APBB1IP: variants seen among roughly 807,000 people sequenced by gnomAD.
APBB1IP encodes amyloid beta precursor protein binding family B member 1 interacting protein.
Under a neutral mutation model 64.9 loss-of-function variants are expected in APBB1IP, and 27 were observed. That is an observed-to-expected ratio of 0.42 (90% CI 0.31 to 0.57). The LOEUF is 0.57. Among genes scored for constraint, APBB1IP ranks in the 20% least tolerant of loss-of-function variants. APBB1IP has a pLI of 0.20. For synonymous variants in APBB1IP, 392 were observed against 331.0 expected, an observed-to-expected ratio of 1.18 and a Z score of -2.00; for missense variants, 812 against 845.5, an observed-to-expected ratio of 0.96 and a Z score of 0.49.
chr10:26,523,463 C>A (rs553527821), intron 8 of APBB1IP, among the ~76,000 whole-genome samples: 110 of 152,292 alleles, frequency 7.2e-4, no homozygotes, highest in Admixed American at 1.9e-3. Flanking sequence ...GAGCCTTACC[C>A]TGGGGCAGTA....
In APBB1IP at chr10:26,566,998, C is replaced by A. The variant is rs756893811; in HGVS notation, c.1511C>A (p.Ala504Glu). ...GCCCTCGGGAACCACCACGACCCGG[C>A]AGTGCCCCGGGCCCCGCACGCCCCC... ...KPALGNHHDP[A>E]VPRAPHAPKS... Residue 504 changes from alanine (A) to glutamate (E), a missense_variant, in exon 15 of 15, where the codon GCA becomes GAA. By Grantham distance (107) the Ala-to-Glu change is moderately radical. Around this residue, in one of 3 missense-constraint regions of APBB1IP, gnomAD observed 381 missense variants for 352.1 expected, o/e 1.08. Transcript: ENST00000376236. The A allele has an allele frequency of 1.3e-6, 2 of 1,580,244 alleles. No individual in the cohort carries two copies. Among genetic ancestry groups the A allele is most frequent in the Non-Finnish European group, 8.5e-7 (1 of 1,172,054 alleles).
chr10:26,492,722 G>A (rs1835970778), intron 3 of APBB1IP, among the ~76,000 whole-genome samples: 1 of 152,172 alleles, frequency 6.6e-6, no homozygotes, highest in Admixed American at 6.5e-5. Flanking sequence ...TGAATAGGGT[G>A]TGGGTCACAG....
intron 6 of APBB1IP, among the ~76,000 whole-genome samples, chr10:26,506,412 AT>A (rs1836180050): frequency 6.6e-6 from 1 of 151,946 alleles, no homozygotes; most frequent in Non-Finnish European, 1.5e-5. Context: ...ATGGCCCACT[AT>A]TTTTTAAAAT....
At chr10:26,498,023 G>A (rs940410616) in intron 4 of APBB1IP, among the ~76,000 whole-genome samples, 2 of 152,048 alleles carry the variant, frequency 1.3e-5, no homozygotes, top group Non-Finnish European at 2.9e-5. Context: ...CATGGCACCC[G>A]ACCAGGATTT....
At chr10:26,440,057 G>A (rs1383417720) in intron 2 of APBB1IP, among the ~76,000 whole-genome samples, 2 of 152,170 alleles carry the variant, frequency 1.3e-5, no homozygotes, top group East Asian at 1.9e-4. Context: ...AAAGGTCTAA[G>A]AAATTTAACT....
chr10:26,459,300 T>C (rs1419952440), intron 2 of APBB1IP, among the ~76,000 whole-genome samples: 1 of 152,036 alleles, frequency 6.6e-6, no homozygotes, highest in Non-Finnish European at 1.5e-5. Context: ...TAGTATTCCA[T>C]GGTGTATATG....
At chr10:26,487,465 G>T (rs1291170748) in intron 2 of APBB1IP, among the ~76,000 whole-genome samples, 1 of 151,908 alleles carries the variant, frequency 6.6e-6, no homozygotes, top group Non-Finnish European at 1.5e-5. Flanking sequence ...CTTCACCGTG[G>T]GTGCAACTGT....
chr10:26,465,404 C>T (rs946603836), intron 2 of APBB1IP, among the ~76,000 whole-genome samples: 16 of 151,894 alleles, frequency 1.1e-4, no homozygotes, highest in African/African-American at 1.2e-4. Flanking sequence ...CTATTTTTTT[C>T]GTGACAAACA....
intron 14 of APBB1IP, 118 bp downstream of exon 14, chr10:26,562,547 C>T (rs922970141): frequency 6.3e-6 from 5 of 798,294 alleles, no homozygotes; most frequent in Non-Finnish European, 1.0e-5. Context: ...CACCTGTAAT[C>T]CCAGAACTTT....
chr10:26,476,446 C>CAAAAAAAAAAAAAAAA (rs58548133), intron 2 of APBB1IP, among the ~76,000 whole-genome samples: 7 of 78,142 alleles, frequency 9.0e-5, no homozygotes, highest in Admixed American at 1.6e-4. Context: ...GACCCTGTCT[C>CAAAAAAAAAAAAAAAA]AAAAAAAAAA....
chr10:26,560,374 A>G (rs1328252212), intron 12 of APBB1IP, among the ~76,000 whole-genome samples, 171 bp downstream of exon 12: 1 of 152,178 alleles, frequency 6.6e-6, no homozygotes, highest in East Asian at 1.9e-4. Flanking sequence ...CGATAGAAAC[A>G]CGAACCTCTC....
chr10:26,506,943 C>T (rs536537423), intron 6 of APBB1IP, among the ~76,000 whole-genome samples: 32 of 152,288 alleles, frequency 2.1e-4, no homozygotes, highest in African/African-American at 4.8e-4. Context: ...GGGAGGCCTC[C>T]GGCCAGAAGC....
chr10:26,562,368 A>G lies in APBB1IP; in HGVS notation c.1412A>G (p.Gln471Arg). The change falls in exon 14 of 15, where the codon CAG becomes CGG. Residue 471 changes from glutamine to arginine, a missense_variant. Physicochemically the swap from Gln to Arg is conservative, Grantham distance 43 (BLOSUM62 1). Coordinates refer to ENST00000376236, the MANE Select transcript of APBB1IP (RefSeq NM_019043.4). ...GTTQPNGQIPQATHSVSAVLQ... is the reference protein window; with the variant it reads ...GTTQPNGQIPRATHSVSAVLQ... ...ACCCAGCCCAATGGACAGATTCCCCAGGCTACACATTCTGTCAGTGCTGTT... is the reference window on the plus strand; with the variant it reads ...ACCCAGCCCAATGGACAGATTCCCCGGGCTACACATTCTGTCAGTGCTGTT... 1 of 1,614,024 alleles carries G rather than the reference A, an allele frequency of 6.2e-7. No homozygotes were observed. Among genetic ancestry groups the G allele is most frequent in the Non-Finnish European group, 8.5e-7 (1 of 1,179,932 alleles).
At chr10:26,443,091 A>G (rs955817531) in intron 2 of APBB1IP, among the ~76,000 whole-genome samples, 1 of 152,214 alleles carries the variant, frequency 6.6e-6, no homozygotes, top group Non-Finnish European at 1.5e-5. Flanking sequence ...AAAGTGACCA[A>G]GAATCATCAG....
Position 26,503,064 on chromosome 10 carries a change from T to G in APBB1IP, c.454-133T>G, listed in dbSNP as rs141086430. ...TGCCTTTAAAAAGTAATTAATAAAT[T>G]CTGAAAATCAAGCATGTGAAATTTG... On this transcript the variant is annotated intron_variant, in intron 5 of 14. Coordinates refer to ENST00000376236, the MANE Select transcript of APBB1IP (RefSeq NM_019043.4). 74 of 751,998 alleles carry G rather than the reference T, an allele frequency of 9.8e-5. No individual in the cohort carries two copies. In the African/African-American group the frequency reaches 9.9e-4, roughly 10 times the overall value. 46.6% of individuals were successfully genotyped at this position (751,998 alleles called of 1,614,324 possible).
intron 2 of APBB1IP, among the ~76,000 whole-genome samples, chr10:26,461,454 TG>T (rs778325327): frequency 3.4e-4 from 52 of 152,198 alleles, no homozygotes; most frequent in Non-Finnish European, 5.9e-4. Context: ...CTTTTTCCGT[TG>T]GTTTATTTAT....
At chr10:26,559,278 T>C (rs1484902335) in intron 11 of APBB1IP, among the ~76,000 whole-genome samples, 2 of 152,242 alleles carry the variant, frequency 1.3e-5, no homozygotes, top group South Asian at 2.1e-4. Context: ...AAGAAGTGTT[T>C]ACAGACAAGG....
At chr10:26,443,604 G>A (rs189757106) in intron 2 of APBB1IP, among the ~76,000 whole-genome samples, 1 of 151,936 alleles carries the variant, frequency 6.6e-6, no homozygotes, top group African/African-American at 2.4e-5. Flanking sequence ...GCACAATTAA[G>A]GCTCACTGTA....
At chr10:26,553,819 G>A (rs955536061) in intron 11 of APBB1IP, among the ~76,000 whole-genome samples, 1 of 152,128 alleles carries the variant, frequency 6.6e-6, no homozygotes, top group East Asian at 1.9e-4. Flanking sequence ...AAGAATAGTG[G>A]CTTTCTCCAG....
Sources: allele counts gnomAD v4.1 joint callset (sites outside exome capture counted in the v4.1 genomes callset), GRCh38; gene constraint gnomAD v4.1.1; regional missense constraint gnomAD v4.1.1; transcripts MANE v1.5; gene names NCBI Gene and HGNC (gene_info 2026-07-23, HGNC 2026-07-21).